The following SLC18A2 variants were observed in gnomAD, a reference collection of about 807,000 sequenced individuals.
SLC18A2 encodes the protein solute carrier family 18 member A2.
A neutral mutation model predicts 59.2 loss-of-function variants in SLC18A2; 33 were observed. That is an observed-to-expected ratio of 0.56 (90% CI 0.42 to 0.75). The LOEUF is 0.75. SLC18A2 is among the 30% of genes least tolerant of loss of function. SLC18A2 has a pLI of 0.00. For missense variants in SLC18A2, 569 were observed against 668.6 expected (o/e 0.85, Z 1.64); for synonymous variants, 228 against 253.5 (o/e 0.90, Z 0.95).
At position 117,264,005 on chromosome 10, in the gene SLC18A2, AG is replaced by A. The variant is rs1486667762; in HGVS notation, c.992-2724del. On this transcript the variant is annotated intron_variant, in intron 10 of 15. Coordinates refer to ENST00000644641, the MANE Select transcript of SLC18A2 (RefSeq NM_003054.6). Reference sequence around the variant, plus strand: ...TAGGCCGAGCCCTTGGCCTTCAGGGAGGGGTCATCTTGAGCTTGGAGGAAAC... The same window carrying A: ...TAGGCCGAGCCCTTGGCCTTCAGGGAGGGTCATCTTGAGCTTGGAGGAAAC... Among the ~76,000 whole-genome samples the A allele has an allele frequency of 8.5e-5, 13 of 152,134 alleles. No individual in the cohort carries two copies. In the East Asian group the frequency reaches 2.5e-3, roughly 29 times the overall value.
intron 14 of SLC18A2, 30 bp downstream of exon 14, chr10:117,270,220 T>G (rs1844409892): frequency 2.5e-6 from 4 of 1,614,014 alleles, no homozygotes; most frequent in Non-Finnish European, 3.4e-6. Context: ...ATAAGAACCT[T>G]TTACCTCAAT....
chr10:117,271,205 T>C (rs1009834627), intron 15 of SLC18A2, among the ~76,000 whole-genome samples: 1 of 152,238 alleles, frequency 6.6e-6, no homozygotes, highest in African/African-American at 2.4e-5. Context: ...CAAATGCTGA[T>C]AGGTACTTGT....
At position 117,267,055 on chromosome 10, in the gene SLC18A2, T is replaced by A. The variant is rs363227; in HGVS notation, c.1122+20T>A. The A allele has an allele frequency of 3.8e-6, 6 of 1,599,006 alleles. No individual in the cohort carries two copies. The East Asian group carries it at 6.7e-5, about 18-fold the overall frequency. On this transcript the variant is annotated intron_variant, in intron 12 of 15. Coordinates refer to ENST00000644641, the MANE Select transcript of SLC18A2 (RefSeq NM_003054.6). Reference sequence around the variant, plus strand: ...TTATGTGTGAGTAAAAGATGGCATTTGACAAGTGGGAACAATCTGTGAATA... The same window carrying A: ...TTATGTGTGAGTAAAAGATGGCATTAGACAAGTGGGAACAATCTGTGAATA...
At chr10:117,266,166 A>G (rs968932246) in intron 10 of SLC18A2, among the ~76,000 whole-genome samples, 1 of 152,124 alleles carries the variant, frequency 6.6e-6, no homozygotes, top group African/African-American at 2.4e-5. Context: ...TGACATAGAA[A>G]AATGTTCATA....
chr10:117,250,160 C>A (rs571653933), intron 3 of SLC18A2, among the ~76,000 whole-genome samples: 2 of 152,298 alleles, frequency 1.3e-5, no homozygotes, highest in South Asian at 4.1e-4. Context: ...GACCCAGGAG[C>A]TTCCCAGGGA....
At chr10:117,265,199 G>C (rs1393982198) in intron 10 of SLC18A2, among the ~76,000 whole-genome samples, 1 of 152,240 alleles carries the variant, frequency 6.6e-6, no homozygotes, top group Non-Finnish European at 1.5e-5. Flanking sequence ...TGTCTAGAAT[G>C]ATCTGGTTTT....
At chr10:117,273,666 G>C (rs1022085199) in intron 15 of SLC18A2, among the ~76,000 whole-genome samples, 8 of 152,318 alleles carry the variant, frequency 5.3e-5, no homozygotes, top group Middle Eastern at 6.8e-3. Flanking sequence ...TATTTAAATA[G>C]TGGGTGCAAA....
intron 3 of SLC18A2, among the ~76,000 whole-genome samples, chr10:117,246,642 GACAA>G (rs1302836419): frequency 6.6e-6 from 1 of 151,200 alleles, no homozygotes. Flanking sequence ...AATATGGAAG[GACAA>G]ACAAATTTTT....
intron 10 of SLC18A2, 79 bp downstream of exon 10, chr10:117,257,971 A>G: frequency 5.3e-6 from 5 of 948,296 alleles, no homozygotes; most frequent in Non-Finnish European, 6.4e-6. Flanking sequence ...ATCCCTGCTG[A>G]GTTGCCCTTA....
At chr10:117,244,629 T>C (rs1799103701) in intron 3 of SLC18A2, among the ~76,000 whole-genome samples, 1 of 152,264 alleles carries the variant, frequency 6.6e-6, no homozygotes, top group Non-Finnish European at 1.5e-5. Flanking sequence ...AGAATCGCCC[T>C]TGGCAGCAGG....
chr10:117,267,187 G>C lies in SLC18A2; in HGVS notation c.1122+152G>C, dbSNP rs555840098. ...TCTAATTTTTTATCATCTTAAAAATGTTTGGACAAGACTTTCCAAGGAGTG... is the reference window on the plus strand; with the variant it reads ...TCTAATTTTTTATCATCTTAAAAATCTTTGGACAAGACTTTCCAAGGAGTG... On this transcript the variant is annotated intron_variant, in intron 12 of 15. Coordinates refer to ENST00000644641, the MANE Select transcript of SLC18A2 (RefSeq NM_003054.6). 7.8e-4 allele frequency: 489 copies of C among 625,116 alleles called. 1 individual carries two copies. The highest frequency in any genetic ancestry group is 7.2e-3 in the African/African-American group (387 of 53,824). 38.7% of individuals were successfully genotyped at this position (625,116 alleles called of 1,614,324 possible).
chr10:117,242,275 G>T (rs868243368), intron 2 of SLC18A2, among the ~76,000 whole-genome samples: 1 of 152,168 alleles, frequency 6.6e-6, no homozygotes, highest in Non-Finnish European at 1.5e-5. Flanking sequence ...CTGTATTAGT[G>T]AATGACTTGA....
intron 10 of SLC18A2, 54 bp from the exon 11 acceptor site, chr10:117,266,679 C>T: frequency 2.2e-6 from 3 of 1,363,300 alleles, no homozygotes; most frequent in Non-Finnish European, 2.1e-6. Flanking sequence ...ATTACTTTTT[C>T]TAACATATGA....
In SLC18A2 at chr10:117,278,675, A is replaced by G. The variant is rs1844535726; in HGVS notation, c.*1409A>G. 1 of 152,226 alleles carries G rather than the reference A, an allele frequency of 6.6e-6. No individual in the cohort carries two copies. Among genetic ancestry groups the G allele is most frequent in the South Asian group, 2.1e-4 (1 of 4,834 alleles). 9.4% of individuals were successfully genotyped at this position (152,226 alleles called of 1,614,324 possible). ...GTGTTAACTTCGACATCAAGGAGCA[A>G]AGAACTTTAGAACAGACTCCTCAAT... On this transcript the variant is annotated 3_prime_UTR_variant, in exon 16 of 16. Coordinates refer to ENST00000644641, the MANE Select transcript of SLC18A2 (RefSeq NM_003054.6).
At chr10:117,268,920 A>G (rs1388865959) in intron 13 of SLC18A2, among the ~76,000 whole-genome samples, 4 of 151,730 alleles carry the variant, frequency 2.6e-5, no homozygotes, top group African/African-American at 9.7e-5. Context: ...GTGTGAACTA[A>G]AAGAAGCTAA....
At chr10:117,257,527 A>G (rs1589981052) in intron 9 of SLC18A2, among the ~76,000 whole-genome samples, 1 of 152,134 alleles carries the variant, frequency 6.6e-6, no homozygotes, top group East Asian at 1.9e-4. Context: ...TAAAACCATA[A>G]TTGGGTAGGT....
chr10:117,269,981 G>C lies in SLC18A2; in HGVS notation c.1187-90G>C, dbSNP rs1004742659. On this transcript the variant is annotated intron_variant, in intron 13 of 15. Transcript: ENST00000644641. This position sits in a 1 kb window ranked among gnomAD's most constrained non-coding sequence, Gnocchi z 5.1. ...ATGACAGAAGGGGAAGAGCTGGCAG[G>C]GTGGTGAGTTTAAGACACACTCCCT... 2.7e-6 allele frequency: 4 copies of C among 1,480,820 alleles called. No individual in the cohort carries two copies. In the African/African-American group the frequency reaches 4.2e-5, roughly 15 times the overall value. 91.7% of individuals were successfully genotyped at this position (1,480,820 alleles called of 1,614,324 possible). A position where few individuals can be genotyped will look rare whatever the true frequency, so the allele number is the denominator to read the frequency against.
intron 15 of SLC18A2, among the ~76,000 whole-genome samples, chr10:117,271,658 C>T (rs1844429363): frequency 1.3e-5 from 2 of 152,178 alleles, no homozygotes; most frequent in Non-Finnish European, 2.9e-5. Context: ...ATCCCCTTGT[C>T]CTTCCCTCCG....
intron 9 of SLC18A2, among the ~76,000 whole-genome samples, chr10:117,255,975 A>G (rs1403772050): frequency 6.6e-6 from 1 of 152,064 alleles, no homozygotes; most frequent in African/African-American, 2.4e-5. Flanking sequence ...CTGTGTTTGT[A>G]TGGAAGGCCA....
Sources: gnomAD v4.1 joint callset for allele counts (sites outside exome capture counted in the v4.1 genomes callset) on GRCh38, gnomAD v4.1.1 for gene constraint, Gnocchi (gnomAD v3.1) non-coding constraint, MANE v1.5 for transcripts, NCBI Gene and HGNC (gene_info 2026-07-23, HGNC 2026-07-21) for gene names.